SLMAP: variants seen among roughly 807,000 people sequenced by gnomAD.
SLMAP encodes sarcolemma associated protein.
SLMAP carries 44 observed loss-of-function variants against 128.8 expected under a neutral mutation model. That is an observed-to-expected ratio of 0.34 (90% CI 0.27 to 0.44). The LOEUF is 0.44. Ranked by LOEUF, SLMAP falls within the 20% of genes least tolerant of loss-of-function variation. The probability of loss-of-function intolerance (pLI) is 1.00; values close to 1 mark genes in which losing one functional copy is unlikely to be tolerated. For synonymous variants in SLMAP, 327 were observed against 348.8 expected, an observed-to-expected ratio of 0.94 and a Z score of 0.70; for missense variants, 787 against 985.3, an observed-to-expected ratio of 0.80 and a Z score of 2.69.
chr3:57,895,176 T>A (rs2096207505), intron 15 of SLMAP, among the ~76,000 whole-genome samples: 1 of 151,794 alleles, frequency 6.6e-6, no homozygotes, highest in Non-Finnish European at 1.5e-5. Context: ...CCATTACAGA[T>A]GAGGATCTGG....
chr3:57,805,312 A>C (rs776326235), intron 2 of SLMAP, among the ~76,000 whole-genome samples: 3 of 152,184 alleles, frequency 2.0e-5, no homozygotes, highest in Non-Finnish European at 2.9e-5. Flanking sequence ...TTTTAGATAT[A>C]TTGAACCCTG....
intron 4 of SLMAP, among the ~76,000 whole-genome samples, chr3:57,843,775 C>CTTTTTTT (rs775541858): frequency 1.5e-3 from 113 of 77,140 alleles, no homozygotes; most frequent in African/African-American, 3.2e-3. Flanking sequence ...TCTTTTCTTT[C>CTTTTTTT]TTTTTTTTTT....
chr3:57,786,070 A>G (rs1040620386), intron 2 of SLMAP, among the ~76,000 whole-genome samples: 2 of 152,232 alleles, frequency 1.3e-5, no homozygotes, highest in African/African-American at 2.4e-5. Context: ...ACTGTTTAGT[A>G]TAATATTTTA....
rs114822877 is a variant in SLMAP, at chr3:57,813,794, A to G, written c.199-17589A>G. 4.5e-3 allele frequency among the ~76,000 whole-genome samples: 689 copies of G among 152,288 alleles called. 5 individuals are homozygous for G. Among genetic ancestry groups the G allele is most frequent in the African/African-American group, 0.016 (660 of 41,550 alleles). On this transcript the variant is annotated intron_variant, in intron 2 of 24. Coordinates refer to ENST00000671191, the MANE Select transcript of SLMAP (RefSeq NM_001377540.1). ...TCCTCTCCATGGATACTGAGACATG[A>G]TGTATATGAAAATGTTGTTTCCTCC...
chr3:57,767,557 A>G (rs1367385318), intron 2 of SLMAP, among the ~76,000 whole-genome samples: 1 of 152,224 alleles, frequency 6.6e-6, no homozygotes. Flanking sequence ...TGGTGATATG[A>G]AATTATATAT....
At chr3:57,880,564 T>A (rs545938480) in intron 14 of SLMAP, among the ~76,000 whole-genome samples, 38 of 152,220 alleles carry the variant, frequency 2.5e-4, no homozygotes, top group African/African-American at 9.2e-4. Flanking sequence ...TAATCACCTC[T>A]CTAGAGTATT....
intron 10 of SLMAP, among the ~76,000 whole-genome samples, chr3:57,863,873 T>C (rs1315827830): frequency 6.6e-6 from 1 of 152,214 alleles, no homozygotes. Context: ...TAATTTTGTT[T>C]AAAATTTCAG....
chr3:57,908,209 C>A (rs527908381), intron 18 of SLMAP, among the ~76,000 whole-genome samples: 1 of 152,316 alleles, frequency 6.6e-6, no homozygotes, highest in African/African-American at 2.4e-5. Flanking sequence ...TACCTTCACA[C>A]TGTTGATGTG....
chr3:57,906,295 T>C (rs142144199), intron 17 of SLMAP, among the ~76,000 whole-genome samples: 2,601 of 106,782 alleles, frequency 0.024, 99 homozygotes, highest in African/African-American at 0.078. Context: ...GAATCAAATT[T>C]TTTTCTTTTT....
intron 21 of SLMAP, among the ~76,000 whole-genome samples, chr3:57,915,894 C>CA (rs2096799843): frequency 6.6e-6 from 1 of 152,112 alleles, no homozygotes; most frequent in South Asian, 2.1e-4. Flanking sequence ...TGGTGGCTCA[C>CA]ACCTGTAATT....
rs771123431 is a variant in SLMAP, at chr3:57,865,313, ATAT to A, written c.1237+22_1237+24del. On this transcript the variant is annotated intron_variant, in intron 13 of 24. Transcript: ENST00000671191. ...AAAAGGTAGTGTAAAAAACTTAAATATATATATACTTTTTATGATATCATTTTA... is the reference window on the plus strand; with the variant it reads ...AAAAGGTAGTGTAAAAAACTTAAATAATATACTTTTTATGATATCATTTTA... 13 of 1,029,010 alleles carry A rather than the reference ATAT, an allele frequency of 1.3e-5. No homozygotes were observed. In the South Asian group the frequency reaches 2.0e-4, roughly 16 times the overall value. The allele number at this position is 1,029,010 out of a possible 1,614,324, so 63.7% of individuals were successfully genotyped here.
chr3:57,925,955 T>C (rs1440811001), intron 24 of SLMAP, 21 bp downstream of exon 24: 2 of 1,508,910 alleles, frequency 1.3e-6, no homozygotes, highest in Non-Finnish European at 1.8e-6. Flanking sequence ...TATTGTTGAG[T>C]CCTTGTCTGT....
At chr3:57,766,324 T>C (rs1437841912) in intron 2 of SLMAP, among the ~76,000 whole-genome samples, 1 of 152,056 alleles carries the variant, frequency 6.6e-6, no homozygotes, top group African/African-American at 2.4e-5. Context: ...TCTACCTGTC[T>C]GGTTTTCTTA....
At chr3:57,769,753 A>T (rs1328414292) in intron 2 of SLMAP, among the ~76,000 whole-genome samples, 1 of 152,056 alleles carries the variant, frequency 6.6e-6, no homozygotes, top group African/African-American at 2.4e-5. Context: ...ATATAGTTTG[A>T]TTTTTCTCTC....
chr3:57,917,237 A>ATCATGGTCC, intron 22 of SLMAP, 160 bp downstream of exon 22: 1 of 1,497,468 alleles, frequency 6.7e-7, no homozygotes. Context: ...CTAGCTGCAT[A>ATCATGGTCC]TCATGGTCCA....
intron 3 of SLMAP, among the ~76,000 whole-genome samples, chr3:57,835,197 T>C (rs1223539316): frequency 1.3e-5 from 2 of 148,584 alleles, no homozygotes; most frequent in African/African-American, 5.0e-5. Flanking sequence ...CCCAGCACTT[T>C]GGGAGGCTGA....
intron 17 of SLMAP, among the ~76,000 whole-genome samples, chr3:57,904,141 A>G (rs996294147): frequency 2.0e-5 from 3 of 152,208 alleles, no homozygotes; most frequent in Non-Finnish European, 4.4e-5. Context: ...TCAGATTATT[A>G]TGTCTGTGTT....
chr3:57,872,746 A>G (rs2095511820), intron 14 of SLMAP, among the ~76,000 whole-genome samples: 1 of 152,226 alleles, frequency 6.6e-6, no homozygotes, highest in Non-Finnish European at 1.5e-5. Context: ...TTAAATCTGT[A>G]ACAATTGCAA....
intron 4 of SLMAP, among the ~76,000 whole-genome samples, chr3:57,843,984 T>C (rs1010634935): frequency 2.0e-5 from 3 of 151,724 alleles, no homozygotes; most frequent in Admixed American, 2.0e-4. Context: ...TTTCACTATA[T>C]TGGCCGGGCT....
Sources: gnomAD v4.1 joint callset for allele counts (sites outside exome capture counted in the v4.1 genomes callset) on GRCh38, gnomAD v4.1.1 for gene constraint, MANE v1.5 for transcripts, NCBI Gene and HGNC (gene_info 2026-07-23, HGNC 2026-07-21) for gene names.